The following CLSTN2 variants were observed in gnomAD, a reference collection of about 807,000 sequenced individuals.
CLSTN2 encodes calsyntenin-2.
In CLSTN2, 48 loss-of-function variants were observed where a neutral mutation model predicts 101.2. The ratio of observed to expected loss-of-function variants is 0.47; its 90% CI spans 0.38 to 0.60. The LOEUF (loss-of-function observed/expected upper bound fraction) is 0.60. Ranked by LOEUF, CLSTN2 falls within the 20% of genes least tolerant of loss-of-function variation. The probability of loss-of-function intolerance (pLI) is 0.00; values close to 1 mark genes in which losing one functional copy is unlikely to be tolerated. For missense variants in CLSTN2, 1,160 were observed against 1,238.2 expected, an observed-to-expected ratio of 0.94 and a Z score of 0.95; for synonymous variants, 481 against 463.6, an observed-to-expected ratio of 1.04 and a Z score of -0.48.
chr3:140,476,060 C>T (rs747640553), intron 8 of CLSTN2, among the ~76,000 whole-genome samples: 3 of 152,170 alleles, frequency 2.0e-5, no homozygotes, highest in Non-Finnish European at 2.9e-5. Flanking sequence ...CTACCTTTCT[C>T]GTTTCCTTTG....
intron 9 of CLSTN2, among the ~76,000 whole-genome samples, chr3:140,536,421 G>A (rs1935360275): frequency 6.6e-6 from 1 of 152,134 alleles, no homozygotes; most frequent in South Asian, 2.1e-4. Flanking sequence ...ACCATAGCAT[G>A]ATCTAGTTTC....
intron 8 of CLSTN2, among the ~76,000 whole-genome samples, chr3:140,504,309 GA>G (rs1934641310): frequency 6.6e-6 from 1 of 151,246 alleles, no homozygotes; most frequent in African/African-American, 2.4e-5. Flanking sequence ...TGAACACATA[GA>G]ACATCTTACA....
Position 140,112,694 on chromosome 3 carries a change from G to A in CLSTN2, c.110-63257G>A, listed in dbSNP as rs60346005. On this transcript the variant is annotated intron_variant, in intron 1 of 16. Coordinates refer to ENST00000458420, the MANE Select transcript of CLSTN2 (RefSeq NM_022131.3). ...AAATGCTAGGTTGCAAGCAGAGGCA[G>A]GATGAACCCGTGCTGAGACTGCACG... Among the ~76,000 whole-genome samples the A allele has an allele frequency of 2.1e-3, 327 of 152,270 alleles. 2 individuals are homozygous for A. The highest frequency in any genetic ancestry group is 7.6e-3 in the African/African-American group (317 of 41,562).
intron 8 of CLSTN2, among the ~76,000 whole-genome samples, chr3:140,499,881 G>A (rs376795948): frequency 9.2e-5 from 14 of 152,182 alleles, no homozygotes; most frequent in African/African-American, 2.6e-4. Context: ...TGGCTAACAC[G>A]GTGAAACCCC....
chr3:140,244,487 C>A (rs747526694), intron 2 of CLSTN2, among the ~76,000 whole-genome samples: 1 of 152,110 alleles, frequency 6.6e-6, no homozygotes, highest in Non-Finnish European at 1.5e-5. Context: ...AGTGTGTGTA[C>A]GTACACACAC....
intron 2 of CLSTN2, among the ~76,000 whole-genome samples, chr3:140,392,539 T>G (rs763669041): frequency 1.8e-4 from 28 of 152,140 alleles, no homozygotes; most frequent in Non-Finnish European, 3.8e-4. Context: ...AAATTTAAAT[T>G]TTTTAAAAAT....
At chr3:140,020,558 G>T (rs2007292862) in intron 1 of CLSTN2, among the ~76,000 whole-genome samples, 1 of 152,204 alleles carries the variant, frequency 6.6e-6, no homozygotes. Context: ...AGCTCAGTGT[G>T]CTGCTAAGGA....
At chr3:140,542,995 C>A (rs1049255875) in intron 9 of CLSTN2, among the ~76,000 whole-genome samples, 1 of 152,158 alleles carries the variant, frequency 6.6e-6, no homozygotes, top group African/African-American at 2.4e-5. Context: ...CTTTTGGTCA[C>A]CTACTTCCCC....
intron 2 of CLSTN2, among the ~76,000 whole-genome samples, chr3:140,195,664 A>G (rs1358118351): frequency 2.0e-5 from 3 of 152,232 alleles, no homozygotes; most frequent in Non-Finnish European, 4.4e-5. Flanking sequence ...TGTATATTAA[A>G]AAGTAATTTA....
chr3:140,453,947 C>G (rs1417843180), intron 6 of CLSTN2, among the ~76,000 whole-genome samples: 1 of 152,172 alleles, frequency 6.6e-6, no homozygotes. Context: ...CTACAGGAAA[C>G]CATGATGGGT....
chr3:140,460,546 T>A (rs1933534982), intron 7 of CLSTN2, among the ~76,000 whole-genome samples: 1 of 152,242 alleles, frequency 6.6e-6, no homozygotes, highest in African/African-American at 2.4e-5. Flanking sequence ...AATTATTTTA[T>A]AAAAGCCTTA....
At chr3:140,184,643 A>G (rs2010459711) in intron 2 of CLSTN2, among the ~76,000 whole-genome samples, 1 of 152,188 alleles carries the variant, frequency 6.6e-6, no homozygotes, top group South Asian at 2.1e-4. Flanking sequence ...GCCCAGAGTC[A>G]GTGCAGGAGT....
At chr3:140,247,313 G>T (rs549957750) in intron 2 of CLSTN2, among the ~76,000 whole-genome samples, 1 of 152,128 alleles carries the variant, frequency 6.6e-6, no homozygotes, top group African/African-American at 2.4e-5. Flanking sequence ...GTTTTCTTGG[G>T]ATTTTCTTAG....
At chr3:139,940,867 T>G (rs940571510) in intron 1 of CLSTN2, among the ~76,000 whole-genome samples, 2 of 151,990 alleles carry the variant, frequency 1.3e-5, no homozygotes, top group African/African-American at 4.8e-5. Context: ...TCTAAGTAAA[T>G]AAACAAGCCT....
intron 1 of CLSTN2, among the ~76,000 whole-genome samples, chr3:140,092,868 T>C (rs1404554832): frequency 6.6e-6 from 1 of 152,200 alleles, no homozygotes; most frequent in Non-Finnish European, 1.5e-5. Context: ...ACTTGCGTGC[T>C]GCCTGGCTCC....
At chr3:140,266,070 A>G (rs1424740098) in intron 2 of CLSTN2, among the ~76,000 whole-genome samples, 3 of 152,148 alleles carry the variant, frequency 2.0e-5, no homozygotes, top group East Asian at 1.9e-4. Context: ...ACAGCCTTCA[A>G]TAGCTCAACA....
chr3:140,359,914 G>A (rs2087709059), intron 2 of CLSTN2, among the ~76,000 whole-genome samples: 1 of 151,238 alleles, frequency 6.6e-6, no homozygotes, highest in Non-Finnish European at 1.5e-5. Flanking sequence ...TATAAATATA[G>A]ATAGATGTTG....
intron 1 of CLSTN2, among the ~76,000 whole-genome samples, chr3:140,174,652 G>C (rs1260880182): frequency 1.3e-5 from 2 of 152,190 alleles, no homozygotes; most frequent in Non-Finnish European, 2.9e-5. Flanking sequence ...CAGGCAAAGA[G>C]AGAATGAGGA....
rs562871699 is a variant in CLSTN2, at chr3:140,443,274, A to G, written c.788-5245A>G. On this transcript the variant is annotated intron_variant, in intron 5 of 16. Transcript: ENST00000458420. ...TGCCACACCTACCTCTTTCCCTTTT[A>G]TTATTCTGCATCGTTTCTGACCACA... 3.3e-5 allele frequency among the ~76,000 whole-genome samples: 5 copies of G among 152,364 alleles called. No individual in the cohort carries two copies. The South Asian group carries it at 1.0e-3, about 32-fold the overall frequency.
Sources: allele counts gnomAD v4.1 joint callset (sites outside exome capture counted in the v4.1 genomes callset), GRCh38; gene constraint gnomAD v4.1.1; transcripts MANE v1.5; gene names NCBI Gene and HGNC (gene_info 2026-07-23, HGNC 2026-07-21).